USP37: variants seen among roughly 807,000 people sequenced by gnomAD.
USP37 encodes the protein ubiquitin carboxyl-terminal hydrolase 37.
In USP37, 27 loss-of-function variants were observed where a neutral mutation model predicts 124.0. The observed-to-expected ratio is 0.22, with a 90% CI of 0.16 to 0.30. USP37 has a LOEUF of 0.30. Among genes scored for constraint, USP37 ranks in the 10% least tolerant of loss-of-function variants. USP37 has a pLI of 1.00. For synonymous variants in USP37, 365 were observed against 388.0 expected (o/e 0.94, Z 0.70); for missense variants, 889 against 1,140.4 (o/e 0.78, Z 3.17).
Position 218,451,191 on chromosome 2 carries a change from G to A in USP37, c.*3739C>T, listed in dbSNP as rs1226452743. 1 of 152,188 alleles carries A rather than the reference G, an allele frequency of 6.6e-6. No homozygotes were observed. Among genetic ancestry groups the A allele is most frequent in the African/African-American group, 2.4e-5 (1 of 41,448 alleles). The allele number at this position is 152,188 out of a possible 1,614,324, so 9.4% of individuals were successfully genotyped here. A position where few individuals can be genotyped will look rare whatever the true frequency, so the allele number is the denominator to read the frequency against. On this transcript the variant is annotated 3_prime_UTR_variant, in exon 26 of 26. Coordinates refer to ENST00000258399, the MANE Select transcript of USP37 (RefSeq NM_020935.3). ...AGTTTTTGTATACACTTGCAAGAGT[G>A]CATTACTCAGTATAAAGCAAAATGG...
At chr2:218,474,028 C>T (rs1342861209) in intron 20 of USP37, among the ~76,000 whole-genome samples, 1 of 152,046 alleles carries the variant, frequency 6.6e-6, no homozygotes, top group Admixed American at 6.6e-5. Flanking sequence ...TACATCTAAA[C>T]ATAGAAAAAG....
chr2:218,549,785 C>CTAAAAAGATTCAAATGAACATACCTGAA, intron 6 of USP37, 24 bp downstream of exon 6: 1 of 1,600,078 alleles, frequency 6.2e-7, no homozygotes, highest in Non-Finnish European at 8.5e-7. Flanking sequence ...TTTTTAAATG[C>CTAAAAAGATTCAAATGAACATACCTGAA]TAAAAAGATT....
intron 22 of USP37, among the ~76,000 whole-genome samples, chr2:218,460,639 T>C (rs1163412543): frequency 6.6e-6 from 1 of 152,194 alleles, no homozygotes; most frequent in East Asian, 1.9e-4. Flanking sequence ...GTTCTTTTTT[T>C]CTTTGTATTA....
At chr2:218,547,583 C>CAAAAAAAAAAAAAAA (rs58787835) in intron 6 of USP37, among the ~76,000 whole-genome samples, 1 of 71,602 alleles carries the variant, frequency 1.4e-5, no homozygotes, top group Non-Finnish European at 3.3e-5. Context: ...AATTACTAAC[C>CAAAAAAAAAAAAAAA]AAAAAAAAAA....
chr2:218,553,814 C>T, intron 4 of USP37, 90 bp from the exon 5 acceptor site: 2 of 1,252,650 alleles, frequency 1.6e-6, no homozygotes, highest in Non-Finnish European at 2.1e-6. Context: ...TTATACTTTC[C>T]ATGTTACATT....
intron 14 of USP37, among the ~76,000 whole-genome samples, chr2:218,492,112 G>T (rs1471275951): frequency 6.6e-6 from 1 of 152,102 alleles, no homozygotes; most frequent in Non-Finnish European, 1.5e-5. Flanking sequence ...GCGGCGGGAG[G>T]ATTGCTTGAG....
At chr2:218,513,539 C>T (rs1690116526) in intron 10 of USP37, among the ~76,000 whole-genome samples, 1 of 152,128 alleles carries the variant, frequency 6.6e-6, no homozygotes, top group South Asian at 2.1e-4. Flanking sequence ...CCGTTTGTAT[C>T]CCTTCCTCCC....
intron 8 of USP37, among the ~76,000 whole-genome samples, chr2:218,545,122 T>C (rs1411106765): frequency 1.3e-5 from 2 of 152,228 alleles, no homozygotes; most frequent in Admixed American, 6.5e-5. Context: ...TTTCAGTGGC[T>C]GTAGGGGCAA....
rs1166933593 is a variant in USP37 at position 218,497,651 on chromosome 2, C to T, written c.1281+83G>A. On this transcript the variant is annotated intron_variant, in intron 13 of 25. Coordinates refer to ENST00000258399, the MANE Select transcript of USP37 (RefSeq NM_020935.3). The stretch of plus-strand genomic sequence containing the variant: ...TCAGTGACCTCAGGTGACCTGCCCA[C>T]CTAGGCCTCCCAAAGTGCTGGAATT... The T allele has an allele frequency of 3.8e-6, 6 of 1,565,148 alleles. No homozygotes were observed. In the African/African-American group the frequency reaches 6.8e-5, roughly 18 times the overall value.
intron 10 of USP37, chr2:218,528,832 A>AAAAAAAAAAAAAAT: frequency 2.5e-6 from 1 of 397,056 alleles, no homozygotes; most frequent in South Asian, 8.9e-5. Context: ...AAAAAAAAAA[A>AAAAAAAAAAAAAAT]AAAAAAAAAG....
rs928928708 is a variant in USP37 at position 218,465,944 on chromosome 2, GTTA to G, written c.2466+63_2466+65del. ...CACATAGTAAGTGCTCAACACATTA[GTTA>G]TTATTATTATATTTCTCAGGAAAGG... On this transcript the variant is annotated intron_variant, in intron 21 of 25. Transcript: ENST00000258399. 53 of 1,534,148 alleles carry G rather than the reference GTTA, an allele frequency of 3.5e-5. 1 individual carries two copies. In the South Asian group the frequency reaches 5.1e-4, roughly 15 times the overall value.
intron 5 of USP37, 93 bp downstream of exon 5, chr2:218,553,460 A>G (rs1692777685): frequency 8.4e-7 from 1 of 1,184,496 alleles, no homozygotes; most frequent in East Asian, 2.6e-5. Flanking sequence ...AATCCTTTTA[A>G]TGTGCTGATG....
At position 218,450,389 on chromosome 2, in the gene USP37, A is replaced by G. The variant is rs1689449206; in HGVS notation, c.*4541T>C. The G allele has an allele frequency of 6.5e-6, 1 of 152,676 alleles. No individual in the cohort carries two copies. The allele number at this position is 152,676 out of a possible 1,614,324, so 9.5% of individuals were successfully genotyped here. The stretch of plus-strand genomic sequence containing the variant: ...AACACAGATAAAAGTGCCGCTCCAT[A>G]CAAAACATAAAGAATCAGAATCAAA... On this transcript the variant is annotated 3_prime_UTR_variant, in exon 26 of 26. Coordinates refer to ENST00000258399, the MANE Select transcript of USP37 (RefSeq NM_020935.3).
intron 10 of USP37, among the ~76,000 whole-genome samples, chr2:218,511,419 C>T (rs184484156): frequency 7.4e-4 from 113 of 152,366 alleles, no homozygotes; most frequent in Non-Finnish European, 1.4e-3. Flanking sequence ...AGCGATTCTC[C>T]TGCCTCAGGC....
intron 6 of USP37, among the ~76,000 whole-genome samples, chr2:218,547,583 CAA>C (rs58787835): frequency 3.6e-4 from 26 of 71,604 alleles, no homozygotes; most frequent in Middle Eastern, 8.2e-3. Context: ...AATTACTAAC[CAA>C]AAAAAAAAAA....
At chr2:218,558,294 T>C (rs1693134223) in intron 4 of USP37, among the ~76,000 whole-genome samples, 1 of 152,230 alleles carries the variant, frequency 6.6e-6, no homozygotes, top group South Asian at 2.1e-4. Context: ...TAATGGTGAC[T>C]ACTTCCTGCT....
chr2:218,523,483 T>C (rs1338329179), intron 10 of USP37, among the ~76,000 whole-genome samples: 1 of 152,240 alleles, frequency 6.6e-6, no homozygotes, highest in Non-Finnish European at 1.5e-5. Flanking sequence ...TGTTACAGTT[T>C]ACATTTTATT....
intron 16 of USP37, 107 bp from the exon 17 acceptor site, chr2:218,482,341 C>A: frequency 7.9e-7 from 1 of 1,261,962 alleles, no homozygotes; most frequent in Non-Finnish European, 1.1e-6. Context: ...TTAAAAAATC[C>A]ATTTGGCCAA....
intron 5 of USP37, 48 bp from the exon 6 acceptor site, chr2:218,549,957 T>C (rs1375128886): frequency 3.6e-6 from 5 of 1,375,514 alleles, no homozygotes; most frequent in Non-Finnish European, 5.0e-6. Flanking sequence ...AATCACTCAC[T>C]TTAACAAAAA....
Sources: gnomAD v4.1 joint callset for allele counts (sites outside exome capture counted in the v4.1 genomes callset) on GRCh38, gnomAD v4.1.1 for gene constraint, MANE v1.5 for transcripts, NCBI Gene and HGNC (gene_info 2026-07-23, HGNC 2026-07-21) for gene names.